Variants in CCDC102B observed in about 807,000 individuals in gnomAD.
CCDC102B encodes the protein coiled-coil domain containing 102B.
In CCDC102B, 75 loss-of-function variants were observed where a neutral mutation model predicts 57.4. That is an observed-to-expected ratio of 1.31 (90% CI 1.08 to 1.58). The LOEUF (loss-of-function observed/expected upper bound fraction) is 1.58, where lower values mean the gene tolerates loss of function less well. Among genes scored for constraint, CCDC102B ranks in the 40% most tolerant of loss-of-function variants. The pLI, the probability that CCDC102B is intolerant of heterozygous loss-of-function variation, is 0.00. For missense variants in CCDC102B, 636 were observed against 582.6 expected (o/e 1.09, Z -0.94); for synonymous variants, 206 against 201.9 (o/e 1.02, Z -0.17).
intron 7 of CCDC102B, among the ~76,000 whole-genome samples, chr18:69,025,041 T>C (rs2051946512): frequency 6.6e-6 from 1 of 152,088 alleles, no homozygotes; most frequent in Non-Finnish European, 1.5e-5. Context: ...ATAAATATAA[T>C]CATGCTTTAA....
downstream of CCDC102B, among the ~76,000 whole-genome samples, chr18:69,058,025 C>T (rs2052844309): frequency 6.6e-6 from 1 of 151,932 alleles, no homozygotes; most frequent in Non-Finnish European, 1.5e-5. Context: ...TCCCCAGTGG[C>T]TATTATTTTC....
At chr18:68,809,582 A>G (rs2036166347) in intron 1 of CCDC102B, among the ~76,000 whole-genome samples, 1 of 152,066 alleles carries the variant, frequency 6.6e-6, no homozygotes, top group South Asian at 2.1e-4. Context: ...TTTCCATTTA[A>G]TAGCTACATA....
At chr18:68,827,957 A>G (rs1254829117) in intron 1 of CCDC102B, among the ~76,000 whole-genome samples, 1 of 151,990 alleles carries the variant, frequency 6.6e-6, no homozygotes, top group Non-Finnish European at 1.5e-5. Context: ...GAAATAAAAT[A>G]TAGAAACCCA....
At chr18:68,849,905 C>G (rs770646482) in intron 4 of CCDC102B, among the ~76,000 whole-genome samples, 6 of 152,114 alleles carry the variant, frequency 3.9e-5, no homozygotes, top group Non-Finnish European at 8.8e-5. Flanking sequence ...CCTTCAGGTT[C>G]TCAGAGGTTC....
At chr18:68,839,647 G>C (rs574641018) in intron 3 of CCDC102B, among the ~76,000 whole-genome samples, 1 of 152,264 alleles carries the variant, frequency 6.6e-6, no homozygotes, top group African/African-American at 2.4e-5. Context: ...TGCATGGAAG[G>C]CTGGGGGCTG....
intron 2 of CCDC102B, among the ~76,000 whole-genome samples, chr18:68,785,358 A>G (rs141804399): frequency 0.07 from 10,666 of 152,122 alleles, 710 homozygotes; most frequent in African/African-American, 0.17. Flanking sequence ...TGGGATGGCT[A>G]GGTCAAATGG....
At chr18:68,796,857 G>A (rs2035647830), upstream of CCDC102B, among the ~76,000 whole-genome samples, 1 of 151,896 alleles carries the variant, frequency 6.6e-6, no homozygotes, top group Non-Finnish European at 1.5e-5. Context: ...GTGTGTGTGT[G>A]TGTGTGTGTG....
chr18:68,894,040 A>G (rs1007554980), intron 5 of CCDC102B, among the ~76,000 whole-genome samples: 22 of 151,988 alleles, frequency 1.4e-4, no homozygotes, highest in Admixed American at 5.9e-4. Context: ...TTAAATATCA[A>G]TCATTTCCTC....
At chr18:68,902,271 AT>A (rs1349873862) in intron 6 of CCDC102B, 3 of 152,128 alleles carry the variant, frequency 2.0e-5, no homozygotes, top group Non-Finnish European at 1.5e-5. Context: ...AAAAAATATC[AT>A]TTCATATATA....
chr18:68,983,510 T>C (rs1277295268), intron 6 of CCDC102B, among the ~76,000 whole-genome samples: 1 of 152,034 alleles, frequency 6.6e-6, no homozygotes, highest in East Asian at 1.9e-4. Context: ...CAGAGTTCAC[T>C]ATTTTACTAG....
In CCDC102B at chr18:69,034,110, T is replaced by C. The variant is rs948102595; in HGVS notation, c.1435-19920T>C. Among the ~76,000 whole-genome samples, 4 of 152,054 alleles carry C rather than the reference T, an allele frequency of 2.6e-5. No individual in the cohort carries two copies. The East Asian group carries it at 7.7e-4, about 29-fold the overall frequency. On this transcript the variant is annotated intron_variant, in intron 7 of 7. Transcript: ENST00000360242. ...TTTTGGATACAAGTCCCTTCTCAGA[T>C]ATACAATTTGGAAATATTTTCTCTT... is the stretch of plus-strand genomic sequence containing the variant.
chr18:68,780,777 T>G (rs1238483681), intron 2 of CCDC102B, among the ~76,000 whole-genome samples: 1 of 152,044 alleles, frequency 6.6e-6, no homozygotes, highest in African/African-American at 2.4e-5. Flanking sequence ...TCAGAAACAT[T>G]TTGCATTCAC....
At chr18:69,029,711 C>G (rs2052087699) in intron 7 of CCDC102B, among the ~76,000 whole-genome samples, 1 of 152,070 alleles carries the variant, frequency 6.6e-6, no homozygotes, top group Admixed American at 6.6e-5. Context: ...TCTATTGACT[C>G]TGTATTGATA....
intron 6 of CCDC102B, among the ~76,000 whole-genome samples, chr18:68,978,164 G>A (rs1431565306): frequency 1.3e-5 from 2 of 152,004 alleles, no homozygotes; most frequent in Non-Finnish European, 2.9e-5. Context: ...TGAGCCCTGG[G>A]CACCAGATTG....
chr18:68,786,964 T>A (rs1468428142), intron 2 of CCDC102B, among the ~76,000 whole-genome samples: 2 of 152,198 alleles, frequency 1.3e-5, no homozygotes, highest in Non-Finnish European at 1.5e-5. Context: ...GGCTGTGGGT[T>A]TGTCATAGAT....
At chr18:68,861,137 T>TAA (rs34120526) in intron 4 of CCDC102B, among the ~76,000 whole-genome samples, 50,634 of 150,246 alleles carry the variant, frequency 0.34, 9,190 homozygotes, top group East Asian at 0.64. Context: ...TAAAACATAA[T>TAA]AAAAAAAAAA....
intron 7 of CCDC102B, among the ~76,000 whole-genome samples, chr18:69,025,171 AC>A (rs2145429577): frequency 6.6e-6 from 1 of 152,302 alleles, no homozygotes; most frequent in African/African-American, 2.4e-5. Flanking sequence ...AGAGAAAAAG[AC>A]CCAGTAACTT....
chr18:69,024,851 A>G (rs2051941271), intron 7 of CCDC102B, among the ~76,000 whole-genome samples: 1 of 152,032 alleles, frequency 6.6e-6, no homozygotes. Context: ...AGAAAAGTTC[A>G]ATTAATATTT....
intron 3 of CCDC102B, among the ~76,000 whole-genome samples, 186 bp from the exon 4 acceptor site, chr18:68,846,127 A>G (rs2037844151): frequency 3.3e-5 from 5 of 151,916 alleles, no homozygotes; most frequent in Admixed American, 3.3e-4. Flanking sequence ...AATTGTCAGA[A>G]TAATAAACTA....
Sources: gnomAD v4.1 joint callset for allele counts (sites outside exome capture counted in the v4.1 genomes callset) on GRCh38, gnomAD v4.1.1 for gene constraint, MANE v1.5 for transcripts, NCBI Gene and HGNC (gene_info 2026-07-23, HGNC 2026-07-21) for gene names.